FMN2: variants seen among roughly 807,000 people sequenced by gnomAD.
FMN2 encodes the protein formin 2, also known as formin-2.
Under a neutral mutation model 142.3 loss-of-function variants are expected in FMN2, and 51 were observed. The ratio of observed to expected loss-of-function variants is 0.36; its 90% CI spans 0.29 to 0.45. The LOEUF (loss-of-function observed/expected upper bound fraction) is 0.45, where lower values mean the gene tolerates loss of function less well. FMN2 is among the 20% of genes least tolerant of loss of function. FMN2 has a pLI of 1.00. For missense variants in FMN2, 1,936 were observed against 2,122.8 expected, an observed-to-expected ratio of 0.91 and a Z score of 1.73; for synonymous variants, 882 against 869.8, an observed-to-expected ratio of 1.01 and a Z score of -0.25.
In FMN2 at chr1:240,091,890, C is replaced by A. The variant is rs1475984673; in HGVS notation, c.-220C>A. The A allele has an allele frequency of 1.4e-6, 1 of 733,832 alleles. No homozygotes were observed. Among genetic ancestry groups the A allele is most frequent in the Non-Finnish European group, 2.0e-6 (1 of 501,038 alleles). 45.5% of individuals were successfully genotyped at this position (733,832 alleles called of 1,614,324 possible). ...CCCCGCCGGCCCCTAGCCGCAGCCG[C>A]AGCCGCAGCGACGGCAGCCACGGGA... is the stretch of plus-strand genomic sequence containing the variant. On this transcript the variant is annotated 5_prime_UTR_variant, in exon 1 of 18. Transcript: ENST00000319653.
chr1:240,257,909 T>C (rs775052971), intron 6 of FMN2, 36 bp from the exon 7 acceptor site: 30 of 1,573,712 alleles, frequency 1.9e-5, no homozygotes, highest in Admixed American at 6.8e-5. Context: ...GGAGTTCAAA[T>C]TAACATTTTC....
chr1:240,173,335 A>G lies in FMN2; in HGVS notation c.1783-4586A>G, dbSNP rs531894833. Among the ~76,000 whole-genome samples the G allele has an allele frequency of 2.6e-5, 4 of 152,218 alleles. No individual in the cohort carries two copies. In the South Asian group the frequency reaches 8.3e-4, roughly 32 times the overall value. On this transcript the variant is annotated intron_variant, in intron 2 of 17. Coordinates refer to ENST00000319653, the MANE Select transcript of FMN2 (RefSeq NM_020066.5). ...CTCATCCTGAAGTCGTTTGCAGTCAATTTGAGGAAACATGATATACACTCA... is the reference window on the plus strand; with the variant it reads ...CTCATCCTGAAGTCGTTTGCAGTCAGTTTGAGGAAACATGATATACACTCA...
At position 240,174,419 on chromosome 1, in the gene FMN2, G is replaced by A. The variant is rs183545217; in HGVS notation, c.1783-3502G>A. ...GTCCAGGCTAGAGTGCAGAAGCATA[G>A]TCATCATTCATTACAGCCTCAAACT... On this transcript the variant is annotated intron_variant, in intron 2 of 17. Coordinates refer to ENST00000319653, the MANE Select transcript of FMN2 (RefSeq NM_020066.5). 2.0e-5 allele frequency among the ~76,000 whole-genome samples: 3 copies of A among 152,258 alleles called. No homozygotes were observed. The East Asian group carries it at 5.8e-4, about 29-fold the overall frequency.
intron 2 of FMN2, chr1:240,143,790 A>G: frequency 6.6e-7 from 1 of 1,512,174 alleles, no homozygotes. Flanking sequence ...TCTCCATTGC[A>G]GGACCCCACT....
intron 14 of FMN2, among the ~76,000 whole-genome samples, chr1:240,361,094 C>A (rs1271684128): frequency 6.9e-6 from 1 of 144,842 alleles, no homozygotes. Flanking sequence ...ACATTGTGCA[C>A]ATGTACCCTA....
At chr1:240,337,203 C>CTTTTCTTTTTTTTTTT (rs1305027690) in intron 13 of FMN2, among the ~76,000 whole-genome samples, 1 of 90,576 alleles carries the variant, frequency 1.1e-5, no homozygotes, top group African/African-American at 3.8e-5. Flanking sequence ...TATTCCTTTT[C>CTTTTCTTTTTTTTTTT]TTTTTTTTTT....
chr1:240,149,982 T>C (rs991157407), intron 2 of FMN2, among the ~76,000 whole-genome samples: 1 of 152,182 alleles, frequency 6.6e-6, no homozygotes, highest in Non-Finnish European at 1.5e-5. Context: ...GAAAACAATC[T>C]GATATGTATA....
intron 16 of FMN2, among the ~76,000 whole-genome samples, chr1:240,444,720 C>T (rs1675747039): frequency 6.6e-6 from 1 of 152,088 alleles, no homozygotes; most frequent in Non-Finnish European, 1.5e-5. Flanking sequence ...TTGGCGAGCC[C>T]CTCGTGCCTT....
intron 15 of FMN2, among the ~76,000 whole-genome samples, chr1:240,401,822 G>T (rs1449312776): frequency 6.6e-6 from 1 of 152,194 alleles, no homozygotes; most frequent in Non-Finnish European, 1.5e-5. Context: ...GTGGTGGACA[G>T]GACGCTGACA....
At chr1:240,365,218 CACAGACACACATATATAT>C (rs1672625017) in intron 14 of FMN2, among the ~76,000 whole-genome samples, 2 of 69,816 alleles carry the variant, frequency 2.9e-5, no homozygotes, top group African/African-American at 1.8e-4. Context: ...TATATATACA[CACAGACACACATATATAT>C]ACACATATAC....
At chr1:240,358,275 A>G (rs1672340639) in intron 14 of FMN2, among the ~76,000 whole-genome samples, 1 of 152,256 alleles carries the variant, frequency 6.6e-6, no homozygotes, top group Non-Finnish European at 1.5e-5. Flanking sequence ...CCTGGAAGAC[A>G]GGTGATAAAA....
chr1:240,202,803 T>C (rs1666178310), intron 4 of FMN2, among the ~76,000 whole-genome samples: 1 of 152,288 alleles, frequency 6.6e-6, no homozygotes, highest in African/African-American at 2.4e-5. Context: ...GTTTATATAA[T>C]AATATCCTTT....
chr1:240,334,461 T>C (rs1020854920), intron 13 of FMN2, among the ~76,000 whole-genome samples: 1 of 152,236 alleles, frequency 6.6e-6, no homozygotes, highest in African/African-American at 2.4e-5. Flanking sequence ...CAATTAACAA[T>C]CTGTCTTGTC....
At chr1:240,146,837 G>A (rs1663504164) in intron 2 of FMN2, among the ~76,000 whole-genome samples, 1 of 151,958 alleles carries the variant, frequency 6.6e-6, no homozygotes, top group Non-Finnish European at 1.5e-5. Flanking sequence ...TATCATTATT[G>A]TACCATTTCA....
At chr1:240,239,470 G>C (rs1667819078) in intron 6 of FMN2, among the ~76,000 whole-genome samples, 1 of 152,190 alleles carries the variant, frequency 6.6e-6, no homozygotes, top group Non-Finnish European at 1.5e-5. Context: ...ACATGCCACT[G>C]TTTATCTCTC....
chr1:240,396,360 A>G (rs1673777384), intron 15 of FMN2, among the ~76,000 whole-genome samples: 1 of 150,614 alleles, frequency 6.6e-6, no homozygotes, highest in African/African-American at 2.4e-5. Context: ...AAAGATAGAG[A>G]ATTGACTCAT....
chr1:240,130,931 C>T (rs1662710438), intron 2 of FMN2, among the ~76,000 whole-genome samples: 1 of 152,072 alleles, frequency 6.6e-6, no homozygotes, highest in Non-Finnish European at 1.5e-5. Context: ...GTCCCCCAAG[C>T]CCCTGCCCTG....
chr1:240,327,488 A>G (rs1671210438), intron 8 of FMN2, among the ~76,000 whole-genome samples: 1 of 152,192 alleles, frequency 6.6e-6, no homozygotes, highest in Non-Finnish European at 1.5e-5. Context: ...CTGCTCGTCT[A>G]TTTAAACAAA....
At chr1:240,417,660 C>G (rs952606660) in intron 15 of FMN2, among the ~76,000 whole-genome samples, 5 of 150,618 alleles carry the variant, frequency 3.3e-5, no homozygotes, top group African/African-American at 1.2e-4. Context: ...TTATGGTTTG[C>G]ATATGGGAGC....
Sources: gnomAD v4.1 joint callset for allele counts (sites outside exome capture counted in the v4.1 genomes callset) on GRCh38, gnomAD v4.1.1 for gene constraint, MANE v1.5 for transcripts, NCBI Gene and HGNC (gene_info 2026-07-23, HGNC 2026-07-21) for gene names.